Variants in HPCAL1 observed in about 807,000 individuals in gnomAD.
HPCAL1 encodes hippocalcin like 1.
HPCAL1 carries 8 observed loss-of-function variants against 17.1 expected under a neutral mutation model. The ratio of observed to expected loss-of-function variants is 0.47; its 90% CI spans 0.27 to 0.84. The LOEUF (loss-of-function observed/expected upper bound fraction) is 0.84. Ranked by LOEUF, HPCAL1 falls within the 40% of genes least tolerant of loss-of-function variation. The pLI is 0.13. For synonymous variants in HPCAL1, 112 were observed against 111.4 expected, an observed-to-expected ratio of 1.01 and a Z score of -0.03; for missense variants, 165 against 271.1, an observed-to-expected ratio of 0.61 and a Z score of 2.75.
At chr2:10,391,216 T>C (rs1668671710) in intron 1 of HPCAL1, among the ~76,000 whole-genome samples, 1 of 150,248 alleles carries the variant, frequency 6.7e-6, no homozygotes, top group Non-Finnish European at 1.5e-5. Context: ...CAGTCCTGGA[T>C]TTGAGGCTGC....
intron 1 of HPCAL1, among the ~76,000 whole-genome samples, chr2:10,306,201 T>C (rs1454769533): frequency 6.6e-6 from 1 of 152,192 alleles, no homozygotes; most frequent in Non-Finnish European, 1.5e-5. Flanking sequence ...TATTAAAATT[T>C]TGCATTCCAG....
intron 1 of HPCAL1, among the ~76,000 whole-genome samples, chr2:10,348,199 C>CGGG (rs1665588232): frequency 6.6e-6 from 1 of 152,182 alleles, no homozygotes; most frequent in Non-Finnish European, 1.5e-5. Context: ...CCTGTAATCC[C>CGGG]AGCACTTTGG....
At chr2:10,328,572 G>A (rs1172739322) in intron 1 of HPCAL1, among the ~76,000 whole-genome samples, 2 of 152,110 alleles carry the variant, frequency 1.3e-5, no homozygotes, top group Non-Finnish European at 2.9e-5. Flanking sequence ...CTCTGCTTGA[G>A]CTGGGACACC....
intron 1 of HPCAL1, among the ~76,000 whole-genome samples, chr2:10,361,237 G>A (rs1323547319): frequency 1.4e-5 from 2 of 138,392 alleles, no homozygotes; most frequent in African/African-American, 2.7e-5. Flanking sequence ...GTTGTAGAGG[G>A]ATGGGAGGGA....
intron 1 of HPCAL1, among the ~76,000 whole-genome samples, chr2:10,373,614 G>A (rs180897498): frequency 6.0e-4 from 91 of 151,978 alleles, no homozygotes; most frequent in Middle Eastern, 6.8e-3. Context: ...AGAATTCTAA[G>A]GCAAGGATGA....
At chr2:10,387,533 A>AGCAGGCGATACTGACCCTGGTTCCAAACT in intron 1 of HPCAL1, among the ~76,000 whole-genome samples, 1 of 152,216 alleles carries the variant, frequency 6.6e-6, no homozygotes, top group Non-Finnish European at 1.5e-5. Context: ...CATGCTGGTA[A>AGCAGGCGATACTGACCCTGGTTCCAAACT]GCAGGCGATA....
Position 10,419,922 on chromosome 2 carries a change from C to T in HPCAL1, c.165C>T (p.Phe55=). ...AGTTCAAGAAGATCTACGCCAACTT[C>T]TTCCCCTACGGCGACGCTTCCAAGT... The part of the protein sequence containing the change: ...VDEFKKIYAN[F]FPYGDASKFA... The change falls in exon 3 of 5, where the codon TTC becomes TTT. Residue 55 remains phenylalanine, a synonymous_variant. Transcript: ENST00000307845. This position sits in a 1 kb window ranked among gnomAD's most constrained non-coding sequence, Gnocchi z 5.0. 1 of 1,613,980 alleles carries T rather than the reference C, an allele frequency of 6.2e-7. No individual in the cohort carries two copies. The highest frequency in any genetic ancestry group is 8.5e-7 in the Non-Finnish European group (1 of 1,180,022).
At chr2:10,341,550 G>T (rs1665081621) in intron 1 of HPCAL1, among the ~76,000 whole-genome samples, 1 of 151,992 alleles carries the variant, frequency 6.6e-6, no homozygotes, top group African/African-American at 2.4e-5. Context: ...ATGGGTGGGG[G>T]CTTTGGGGGA....
intron 1 of HPCAL1, among the ~76,000 whole-genome samples, chr2:10,373,585 TTTTG>T (rs1667362219): frequency 6.6e-6 from 1 of 152,106 alleles, no homozygotes; most frequent in African/African-American, 2.4e-5. Context: ...TTTTTTTGTT[TTTTG>T]TTTTTTTATG....
intron 2 of HPCAL1, chr2:10,408,715 G>A (rs902323663): frequency 6.6e-6 from 1 of 152,250 alleles, no homozygotes; most frequent in Admixed American, 6.5e-5. Flanking sequence ...GCTGAAAAGA[G>A]AACCGTGTGG....
At chr2:10,312,423 C>G (rs1558449045) in intron 1 of HPCAL1, among the ~76,000 whole-genome samples, 2 of 150,092 alleles carry the variant, frequency 1.3e-5, no homozygotes, top group Non-Finnish European at 3.0e-5. Flanking sequence ...GTCGTCATCA[C>G]CATCATCATC....
chr2:10,385,437 T>G (rs1376421921), intron 1 of HPCAL1, among the ~76,000 whole-genome samples: 4 of 152,070 alleles, frequency 2.6e-5, no homozygotes, highest in Non-Finnish European at 5.9e-5. Flanking sequence ...GCTCCAGGCT[T>G]GCTTCCCTGG....
chr2:10,376,523 C>T (rs2125526008), intron 1 of HPCAL1, among the ~76,000 whole-genome samples: 1 of 151,948 alleles, frequency 6.6e-6, no homozygotes, highest in Non-Finnish European at 1.5e-5. Context: ...GCAACTTCCA[C>T]TTCCTGGGTT....
Position 10,343,708 on chromosome 2 carries a change from A to C in HPCAL1, c.-111+40531A>C, listed in dbSNP as rs1368389124. 1.3e-5 allele frequency among the ~76,000 whole-genome samples: 2 copies of C among 152,240 alleles called. No individual in the cohort carries two copies. The highest frequency in any genetic ancestry group is 4.8e-5 in the African/African-American group (2 of 41,470). On this transcript the variant is annotated intron_variant, in intron 1 of 4. Transcript: ENST00000307845. This position sits in a 1 kb window ranked among gnomAD's most constrained non-coding sequence, Gnocchi z 4.8. The stretch of plus-strand genomic sequence containing the variant: ...AACCAGGCTAAATTTTAAGAGCAGA[A>C]ACAAAACTCATCCTTGCGAAGGGAC...
intron 2 of HPCAL1, among the ~76,000 whole-genome samples, chr2:10,410,238 C>G (rs546220005): frequency 6.6e-6 from 1 of 152,122 alleles, no homozygotes; most frequent in Non-Finnish European, 1.5e-5. Flanking sequence ...CAACCAATGC[C>G]GTCAGCCGGC....
intron 2 of HPCAL1, among the ~76,000 whole-genome samples, chr2:10,415,524 C>A (rs1446960225): frequency 6.6e-6 from 1 of 152,226 alleles, no homozygotes; most frequent in Non-Finnish European, 1.5e-5. Context: ...TCCTTCTCAC[C>A]CCCGTGCTCC....
intron 1 of HPCAL1, among the ~76,000 whole-genome samples, chr2:10,333,236 G>A (rs74482866): frequency 0.19 from 29,661 of 152,156 alleles, 3,350 homozygotes; most frequent in African/African-American, 0.31. Flanking sequence ...GGAGAGACTC[G>A]GGAAATTACC....
chr2:10,391,983 C>T (rs1558511234), intron 1 of HPCAL1, among the ~76,000 whole-genome samples: 4 of 152,246 alleles, frequency 2.6e-5, no homozygotes, highest in East Asian at 3.9e-4. Flanking sequence ...CTCCTGACCT[C>T]GTGATCCACC....
chr2:10,375,393 G>A (rs1667491544), intron 1 of HPCAL1, among the ~76,000 whole-genome samples: 1 of 152,320 alleles, frequency 6.6e-6, no homozygotes, highest in South Asian at 2.1e-4. Flanking sequence ...AGGACTCGGG[G>A]CTTTCCTGGG....
Sources: gnomAD v4.1 joint callset for allele counts (sites outside exome capture counted in the v4.1 genomes callset) on GRCh38, gnomAD v4.1.1 for gene constraint, Gnocchi (gnomAD v3.1) non-coding constraint, MANE v1.5 for transcripts, NCBI Gene and HGNC (gene_info 2026-07-23, HGNC 2026-07-21) for gene names.